Variants in MED12L observed in about 807,000 individuals in gnomAD.
MED12L encodes mediator complex subunit 12L.
Under a neutral mutation model 281.3 loss-of-function variants are expected in MED12L, and 60 were observed. The observed-to-expected ratio is 0.21, with a 90% CI of 0.17 to 0.26. The LOEUF is 0.26. MED12L is among the 10% of genes least tolerant of loss of function. The pLI is 1.00. For synonymous variants in MED12L, 974 were observed against 987.2 expected (o/e 0.99, Z 0.25); for missense variants, 2,146 against 2,680.9 (o/e 0.80, Z 4.41).
chr3:151,419,471 G>C (rs1295233906), intron 43 of MED12L, among the ~76,000 whole-genome samples: 1 of 152,170 alleles, frequency 6.6e-6, no homozygotes, highest in Non-Finnish European at 1.5e-5. Flanking sequence ...TTCGCTGGCA[G>C]CTGATTAGAT....
At chr3:151,296,640 C>A (rs993654715) in intron 16 of MED12L, among the ~76,000 whole-genome samples, 1 of 151,890 alleles carries the variant, frequency 6.6e-6, no homozygotes, top group African/African-American at 2.4e-5. Context: ...TTCTGCTTGT[C>A]CCCATTTTCC....
chr3:151,316,254 T>C (rs577374276), intron 16 of MED12L, among the ~76,000 whole-genome samples: 106 of 152,346 alleles, frequency 7.0e-4, no homozygotes, highest in African/African-American at 2.5e-3. Context: ...TTTTAAGTTT[T>C]GGGTCCTGGG....
At chr3:151,126,481 G>T (rs1714544389) in intron 4 of MED12L, among the ~76,000 whole-genome samples, 1 of 152,194 alleles carries the variant, frequency 6.6e-6, no homozygotes, top group Non-Finnish European at 1.5e-5. Flanking sequence ...CTCTTAAAAA[G>T]AATTATTCTA....
chr3:151,341,053 G>A (rs1241759210), intron 16 of MED12L, among the ~76,000 whole-genome samples: 1 of 152,134 alleles, frequency 6.6e-6, no homozygotes, highest in Non-Finnish European at 1.5e-5. Context: ...AGCCTTCGAA[G>A]TCTGCTTCCT....
rs73016792 is a variant in MED12L at position 151,166,127 on chromosome 3, G to C, written c.1494+145G>C. 793 of 625,116 alleles carry C rather than the reference G, an allele frequency of 1.3e-3. 6 individuals are homozygous for C. The African/African-American group carries it at 0.014, about 11-fold the overall frequency. The allele number at this position is 625,116 out of a possible 1,614,324, so 38.7% of individuals were successfully genotyped here. A position where few individuals can be genotyped will look rare whatever the true frequency, so the allele number is the denominator to read the frequency against. On this transcript the variant is annotated intron_variant, in intron 11 of 44. Coordinates refer to ENST00000687756, the MANE Select transcript of MED12L (RefSeq NM_001393769.1). Reference sequence around the variant, plus strand: ...ACACACTTGAAATCATTCTATTGTTGGACTAAGATTACCTACCATTATTAA... The same window carrying C: ...ACACACTTGAAATCATTCTATTGTTCGACTAAGATTACCTACCATTATTAA...
chr3:151,232,097 A>G (rs141132559), intron 16 of MED12L, among the ~76,000 whole-genome samples: 71 of 152,052 alleles, frequency 4.7e-4, no homozygotes, highest in Admixed American at 2.0e-3. Context: ...TGTCTCTGCT[A>G]TTTTTCTTAC....
intron 16 of MED12L, chr3:151,316,874 G>A (rs940927400): frequency 8.5e-5 from 13 of 152,168 alleles, no homozygotes; most frequent in South Asian, 4.1e-4. Context: ...GAGTAGGTGA[G>A]ATTTGTCGAC....
intron 8 of MED12L, among the ~76,000 whole-genome samples, chr3:151,161,879 G>T (rs772252411): frequency 9.9e-5 from 15 of 152,222 alleles, no homozygotes; most frequent in Non-Finnish European, 2.1e-4. Context: ...CTGGCAAGAA[G>T]ATGGCTGAAG....
At chr3:151,346,467 C>A (rs1349307385) in intron 16 of MED12L, among the ~76,000 whole-genome samples, 1 of 152,120 alleles carries the variant, frequency 6.6e-6, no homozygotes, top group East Asian at 1.9e-4. Context: ...ACTTTAACCG[C>A]TTGTTTCTTA....
chr3:151,097,959 G>A (rs1720933578), intron 2 of MED12L, among the ~76,000 whole-genome samples: 1 of 152,248 alleles, frequency 6.6e-6, no homozygotes, highest in African/African-American at 2.4e-5. Flanking sequence ...CTTGGAGGGT[G>A]TGTAGGAGTG....
chr3:151,122,022 T>C (rs1713838218), intron 3 of MED12L, among the ~76,000 whole-genome samples: 1 of 152,278 alleles, frequency 6.6e-6, no homozygotes, highest in Admixed American at 6.5e-5. Context: ...TGAGATTCAC[T>C]AAATTTTTAG....
intron 16 of MED12L, among the ~76,000 whole-genome samples, chr3:151,341,760 G>T (rs1013638727): frequency 1.0e-4 from 15 of 148,610 alleles, no homozygotes; most frequent in Non-Finnish European, 2.1e-4. Flanking sequence ...CCAGAGTGTA[G>T]TGTTTCCCTT....
Position 151,116,239 on chromosome 3 carries a change from C to T in MED12L, c.100-99C>T, listed in dbSNP as rs796131881. On this transcript the variant is annotated intron_variant, in intron 2 of 44. Coordinates refer to ENST00000687756, the MANE Select transcript of MED12L (RefSeq NM_001393769.1). ...TTGTCCTTTCAAGAGTTCTCCTCTACAGAGTATAACAAATTTAGCCATTAC... is the reference window on the plus strand; with the variant it reads ...TTGTCCTTTCAAGAGTTCTCCTCTATAGAGTATAACAAATTTAGCCATTAC... The T allele has an allele frequency of 3.0e-5, 23 of 760,634 alleles. No individual in the cohort carries two copies. In the African/African-American group the frequency reaches 3.5e-4, roughly 12 times the overall value. The allele number at this position is 760,634 out of a possible 1,614,324, so 47.1% of individuals were successfully genotyped here.
chr3:151,138,360 A>G (rs989394986), intron 5 of MED12L, among the ~76,000 whole-genome samples: 4 of 152,174 alleles, frequency 2.6e-5, no homozygotes, highest in African/African-American at 4.8e-5. Context: ...CAGAGTTCCC[A>G]TGCATTCTCT....
chr3:151,329,811 A>G (rs907804643), intron 16 of MED12L, among the ~76,000 whole-genome samples: 25 of 152,190 alleles, frequency 1.6e-4, no homozygotes, highest in African/African-American at 6.0e-4. Flanking sequence ...CCTCTTGTAT[A>G]TAGTGGAAAG....
At chr3:151,111,901 G>A (rs944781000) in intron 2 of MED12L, among the ~76,000 whole-genome samples, 12 of 152,110 alleles carry the variant, frequency 7.9e-5, no homozygotes, top group African/African-American at 2.7e-4. Context: ...TTCAGTGCGC[G>A]GATGGGTGGG....
Position 151,317,436 on chromosome 3 carries a change from C to CTT in MED12L, c.2251-32594_2251-32593dup, listed in dbSNP as rs1164820615. 5.0e-3 allele frequency among the ~76,000 whole-genome samples: 293 copies of CTT among 58,712 alleles called. 95 individuals are homozygous for CTT. The highest frequency in any genetic ancestry group is 6.7e-3 in the Non-Finnish European group (217 of 32,198). The allele number at this position is 58,712 out of a possible 152,430, so 38.5% of individuals were successfully genotyped here. A position where few individuals can be genotyped will look rare whatever the true frequency, so the allele number is the denominator to read the frequency against. ...ATGACAAATTTATATAATCATATCA[C>CTT]TTTTTTTTTTTTTTTTTTTTTTTTT... On this transcript the variant is annotated intron_variant, in intron 16 of 44. Coordinates refer to ENST00000687756, the MANE Select transcript of MED12L (RefSeq NM_001393769.1).
intron 16 of MED12L, among the ~76,000 whole-genome samples, chr3:151,245,015 C>A (rs1304197401): frequency 4.1e-5 from 2 of 48,260 alleles, no homozygotes; most frequent in Admixed American, 5.4e-4. Flanking sequence ...ACTAGAAAAT[C>A]TAGAAGAAAT....
chr3:151,385,728 A>AAAG (rs1713229322), intron 36 of MED12L, among the ~76,000 whole-genome samples: 1 of 152,030 alleles, frequency 6.6e-6, no homozygotes, highest in African/African-American at 2.4e-5. Flanking sequence ...GGGGAAAAAA[A>AAAG]AAAAAAAACC....
Sources: gnomAD v4.1 joint callset for allele counts (sites outside exome capture counted in the v4.1 genomes callset) on GRCh38, gnomAD v4.1.1 for gene constraint, MANE v1.5 for transcripts, NCBI Gene and HGNC (gene_info 2026-07-23, HGNC 2026-07-21) for gene names.